The following TMEM208 variants were observed in gnomAD, a reference collection of about 807,000 sequenced individuals.
TMEM208 encodes SRP-independent targeting 2 homolog.
TMEM208 carries 19 observed loss-of-function variants against 26.4 expected under a neutral mutation model. The ratio of observed to expected loss-of-function variants is 0.72; its 90% CI spans 0.50 to 1.06. TMEM208 has a LOEUF of 1.06. Among genes scored for constraint, TMEM208 ranks in the 50% least tolerant of loss-of-function variants. TMEM208 has a pLI of 0.00. For synonymous variants in TMEM208, 93 were observed against 83.1 expected (o/e 1.12, Z -0.65); for missense variants, 183 against 219.8 (o/e 0.83, Z 1.06).
intron 1 of TMEM208, 22 bp downstream of exon 1, chr16:67,227,246 G>T (rs2034054962): frequency 6.2e-7 from 1 of 1,609,676 alleles, no homozygotes; most frequent in African/African-American, 1.3e-5. Context: ...GGATAGGGCG[G>T]GGTCCGCACC....
In TMEM208 at chr16:67,228,833, G is replaced by A. The variant is rs780901547; in HGVS notation, c.336G>A (p.Val112=). Reference sequence around the variant, plus strand: ...ATGTGATCCTACTGACAGCCATCGTGCAGGTGCTCAGCTGCTTCTCTCTCT... The same window carrying A: ...ATGTGATCCTACTGACAGCCATCGTACAGGTGCTCAGCTGCTTCTCTCTCT... ...LKDVILLTAI[V]QVLSCFSLYV... The change falls in exon 5 of 6, where the codon GTG becomes GTA. Residue 112 remains valine (V), a synonymous_variant. Transcript: ENST00000304800. 2 of 1,614,008 alleles carry A rather than the reference G, an allele frequency of 1.2e-6. No homozygotes were observed. Among genetic ancestry groups the A allele is most frequent in the South Asian group, 2.2e-5 (2 of 91,090 alleles).
Position 67,227,838 on chromosome 16 carries a change from C to G in TMEM208, c.9C>G (p.Pro3=), listed in dbSNP as rs781715724. 6.2e-7 allele frequency: 1 copy of G among 1,606,384 alleles called. No individual in the cohort carries two copies. Among genetic ancestry groups the G allele is most frequent in the East Asian group, 2.2e-5 (1 of 44,636 alleles). Residue 3 remains proline, a splice_region_variant and synonymous_variant, in exon 2 of 6, where the codon CCC becomes CCG. Transcript: ENST00000304800. MA[P]KGKVGTRGKK... ...GGCATCTCATCATTCCTCTGCAGCC[C>G]AAGGGCAAAGTGGGCACGAGAGGGA...
chr16:67,228,710 T>TAACTTGAAAAGGGTGGAAGGGAGTTGC, intron 4 of TMEM208, 79 bp downstream of exon 4: 5 of 1,547,914 alleles, frequency 3.2e-6, no homozygotes, highest in Admixed American at 2.0e-5. Flanking sequence ...CAGCTACTTG[T>TAACTTGAAAAGGGTGGAAGGGAGTTGC]AACTTGAAAA....
Position 67,229,026 on chromosome 16 carries a change from G to T in TMEM208, c.435G>T (p.Trp145Cys). The T allele has an allele frequency of 1.2e-6, 2 of 1,612,728 alleles. No homozygotes were observed. The highest frequency in any genetic ancestry group is 1.1e-5 in the South Asian group (1 of 91,034). Residue 145 changes from tryptophan (W) to cysteine (C), a missense_variant, in exon 6 of 6, where the codon TGG (tryptophan) becomes TGT (cysteine). Physicochemically the swap from Trp to Cys is radical, Grantham distance 215. Transcript: ENST00000304800. Reference protein sequence around the residue: ...YLLWVNVLGPWFTADSGTPAP... With the variant: ...YLLWVNVLGPCFTADSGTPAP... Reference sequence around the variant, plus strand: ...TGTGGGTGAATGTGCTGGGCCCCTGGTTCACTGCAGACAGTGGCACCCCAG... The same window carrying T: ...TGTGGGTGAATGTGCTGGGCCCCTGTTTCACTGCAGACAGTGGCACCCCAG...
intron 4 of TMEM208, 27 bp downstream of exon 4, chr16:67,228,658 GTGAGCGGCCCCAGGGC>G (rs763460634): frequency 1.9e-6 from 3 of 1,545,742 alleles, no homozygotes; most frequent in Non-Finnish European, 2.6e-6. Flanking sequence ...GCCAGCCCAG[GTGAGCGGCCCCAGGGC>G]TGGGGCCCAG....
rs371065161 is a variant in TMEM208, at chr16:67,228,901, T to C, written c.384+20T>C. On this transcript the variant is annotated intron_variant, in intron 5 of 5. Transcript: ENST00000304800. ...CTTCTGGTATGTGGGCTGGGGGCGCTCCCAAGAAGGGGCATCTAACCCTCC... is the reference window on the plus strand; with the variant it reads ...CTTCTGGTATGTGGGCTGGGGGCGCCCCCAAGAAGGGGCATCTAACCCTCC... 2.7e-5 allele frequency: 43 copies of C among 1,613,278 alleles called. No homozygotes were observed. Among genetic ancestry groups the C allele is most frequent in the Non-Finnish European group, 3.5e-5 (41 of 1,179,736 alleles).
Position 67,228,574 on chromosome 16 carries a change from AGGATGGGGCCCTGAT to A in TMEM208, c.249_263del (p.Ala84_Gly88del). ...TCGATGGCACGAGCAGCGTTCTCTG[AGGATGGGGCCCTGAT>A]GGATGGTGGCATGGACCTCAACATG... On this transcript the variant is annotated inframe_deletion, in exon 4 of 6. Transcript: ENST00000304800. The A allele has an allele frequency of 6.2e-7, 1 of 1,607,350 alleles. No individual in the cohort carries two copies. The highest frequency in any genetic ancestry group is 8.5e-7 in the Non-Finnish European group (1 of 1,175,674).
At chr16:67,228,231 C>A (rs2034100646) in intron 2 of TMEM208, 124 bp from the exon 3 acceptor site, 3 of 1,127,864 alleles carry the variant, frequency 2.7e-6, no homozygotes, top group Non-Finnish European at 4.0e-6. Flanking sequence ...AGGGCCCTTT[C>A]TTCAACCCTG....
chr16:67,227,591 A>G lies in TMEM208; in HGVS notation c.7-245A>G. On this transcript the variant is annotated intron_variant, in intron 1 of 5. Coordinates refer to ENST00000304800, the MANE Select transcript of TMEM208 (RefSeq NM_014187.4). ...TACCACGGGATCCAGAGGCGGTATT[A>G]GCTTAGGATTGAATTGTTCCAGGGC... is the stretch of plus-strand genomic sequence containing the variant. The G allele has an allele frequency of 5.4e-6, 3 of 558,358 alleles. No individual in the cohort carries two copies. In the South Asian group the frequency reaches 7.2e-5, roughly 13 times the overall value. The allele number at this position is 558,358 out of a possible 1,614,324, so 34.6% of individuals were successfully genotyped here.
chr16:67,227,593 C>T, intron 1 of TMEM208: 1 of 563,470 alleles, frequency 1.8e-6, no homozygotes, highest in East Asian at 2.9e-5. Context: ...GCGGTATTAG[C>T]TTAGGATTGA....
In TMEM208 at chr16:67,229,077, G is replaced by A. The variant is rs2034140458; in HGVS notation, c.486G>A (p.Gln162=). ...CACCAGAGCACAATGAGAAACGGCA[G>A]CGCCGACAGGAGCGGCGGCAGATGA... is the stretch of plus-strand genomic sequence containing the variant. ...TPAPEHNEKR[Q]RRQERRQMKR... Residue 162 remains glutamine (Q), a synonymous_variant, in exon 6 of 6, where the codon CAG becomes CAA. Coordinates refer to ENST00000304800, the MANE Select transcript of TMEM208 (RefSeq NM_014187.4). The A allele has an allele frequency of 3.7e-6, 6 of 1,612,696 alleles. No homozygotes were observed. The highest frequency in any genetic ancestry group is 5.1e-6 in the Non-Finnish European group (6 of 1,179,212).
intron 4 of TMEM208, 39 bp from the exon 5 acceptor site, chr16:67,228,758 G>C: frequency 6.3e-7 from 1 of 1,594,198 alleles, no homozygotes; most frequent in Non-Finnish European, 8.6e-7. Context: ...GGGTGGAAGG[G>C]CCCATATGCT....
rs2034142766 is a variant in TMEM208 at position 67,229,131 on chromosome 16, A to G, written c.*18A>G. 2 of 1,576,120 alleles carry G rather than the reference A, an allele frequency of 1.3e-6. No individual in the cohort carries two copies. The highest frequency in any genetic ancestry group is 1.7e-6 in the Non-Finnish European group (2 of 1,160,962). On this transcript the variant is annotated 3_prime_UTR_variant, in exon 6 of 6. Transcript: ENST00000304800. ...GGTTATAGCCATTGACATTGTGGCC[A>G]CAGGCCACTGGCCCTGGGTGGCTCT... is the stretch of plus-strand genomic sequence containing the variant.
chr16:67,228,414 GGTAA>G lies in TMEM208; in HGVS notation c.162+4_162+7del. 11 of 1,613,966 alleles carry G rather than the reference GGTAA, an allele frequency of 6.8e-6. No individual in the cohort carries two copies. Among genetic ancestry groups the G allele is most frequent in the Non-Finnish European group, 9.3e-6 (11 of 1,179,878 alleles). On this transcript the variant is annotated splice_donor_variant and splice_donor_region_variant and intron_variant, in intron 3 of 5. Coordinates refer to ENST00000304800, the MANE Select transcript of TMEM208 (RefSeq NM_014187.4). LOFTEE classifies it high-confidence loss of function. ...ACTCATCTGCCTCATTTTGGGCCTGGGTAAGTATCTCCATCCTGGGAGGTGGATG... is the reference window on the plus strand; with the variant it reads ...ACTCATCTGCCTCATTTTGGGCCTGGGTATCTCCATCCTGGGAGGTGGATG...
At position 67,227,813 on chromosome 16, in the gene TMEM208, G is replaced by A. The variant is rs763772247; in HGVS notation, c.7-23G>A. The A allele has an allele frequency of 4.5e-5, 71 of 1,579,392 alleles. No individual in the cohort carries two copies. The East Asian group carries it at 1.5e-3, about 34-fold the overall frequency. On this transcript the variant is annotated intron_variant, in intron 1 of 5. Transcript: ENST00000304800. ...ATGAGGAGGACCGTGGCCTCCTGACGGCATCTCATCATTCCTCTGCAGCCC... is the reference window on the plus strand; with the variant it reads ...ATGAGGAGGACCGTGGCCTCCTGACAGCATCTCATCATTCCTCTGCAGCCC...
At chr16:67,228,468 T>C in intron 3 of TMEM208, 27 bp from the exon 4 acceptor site, 1 of 1,614,006 alleles carries the variant, frequency 6.2e-7, no homozygotes, top group Non-Finnish European at 8.5e-7. Context: ...GTGGCTGGCC[T>C]TTGATACCCT....
intron 1 of TMEM208, 140 bp from the exon 2 acceptor site, chr16:67,227,696 G>A (rs925881208): frequency 9.2e-6 from 6 of 650,848 alleles, no homozygotes; most frequent in African/African-American, 9.1e-5. Flanking sequence ...GAGGATGGGT[G>A]GACATCCCAG....
At position 67,228,806 on chromosome 16, in the gene TMEM208, G is replaced by C; in HGVS notation, c.309G>C (p.Lys103Asn). 1 of 1,613,426 alleles carries C rather than the reference G, an allele frequency of 6.2e-7. No individual in the cohort carries two copies. The highest frequency in any genetic ancestry group is 8.5e-7 in the Non-Finnish European group (1 of 1,179,690). The change falls in exon 5 of 6, where the codon AAG becomes AAC. Residue 103 changes from lysine (K) to asparagine (N), a missense_variant. Coordinates refer to ENST00000304800, the MANE Select transcript of TMEM208 (RefSeq NM_014187.4). ...TTATTTCTATCCACAGGCACCTTAA[G>C]GATGTGATCCTACTGACAGCCATCG... ...NMEQGMAEHL[K>N]DVILLTAIVQ...
rs2034081183 is a variant in TMEM208, at chr16:67,227,818, CTCA to C, written c.7-13_7-11del. On this transcript the variant is annotated splice_polypyrimidine_tract_variant and intron_variant, in intron 1 of 5. Coordinates refer to ENST00000304800, the MANE Select transcript of TMEM208 (RefSeq NM_014187.4). The stretch of plus-strand genomic sequence containing the variant: ...GAGGACCGTGGCCTCCTGACGGCAT[CTCA>C]TCATTCCTCTGCAGCCCAAGGGCAA... 1 of 1,590,536 alleles carries C rather than the reference CTCA, an allele frequency of 6.3e-7. No individual in the cohort carries two copies. The highest frequency in any genetic ancestry group is 8.6e-7 in the Non-Finnish European group (1 of 1,167,276).
Sources: allele counts gnomAD v4.1 joint callset, GRCh38; gene constraint gnomAD v4.1.1; transcripts MANE v1.5; gene names NCBI Gene and HGNC (gene_info 2026-07-23, HGNC 2026-07-21).